The following FAM135B variants were observed in gnomAD, a reference collection of about 807,000 sequenced individuals.
FAM135B encodes the protein family with sequence similarity 135 member B.
FAM135B carries 43 observed loss-of-function variants against 127.7 expected under a neutral mutation model. The observed-to-expected ratio is 0.34, with a 90% CI of 0.26 to 0.43. FAM135B has a LOEUF of 0.43. Among genes scored for constraint, FAM135B ranks in the 20% least tolerant of loss-of-function variants. The probability of loss-of-function intolerance (pLI) is 1.00; values close to 1 mark genes in which losing one functional copy is unlikely to be tolerated. For synonymous variants in FAM135B, 670 were observed against 665.1 expected (o/e 1.01, Z -0.11); for missense variants, 1,558 against 1,725.6 (o/e 0.90, Z 1.72).
chr8:138,195,520 G>C (rs1181855694), intron 8 of FAM135B, among the ~76,000 whole-genome samples: 1 of 151,980 alleles, frequency 6.6e-6, no homozygotes, highest in Non-Finnish European at 1.5e-5. Flanking sequence ...CTGAGCACTA[G>C]ATAAAAGCCA....
intron 11 of FAM135B, among the ~76,000 whole-genome samples, chr8:138,173,852 T>C (rs1263580590): frequency 6.6e-6 from 1 of 152,234 alleles, no homozygotes; most frequent in East Asian, 1.9e-4. Context: ...CAGCAAACTT[T>C]CACCCAATAC....
chr8:138,136,261 C>G (rs1182338910), intron 19 of FAM135B, among the ~76,000 whole-genome samples: 1 of 152,010 alleles, frequency 6.6e-6, no homozygotes, highest in Non-Finnish European at 1.5e-5. Context: ...CTTTGGTACA[C>G]TATTTTTTGA....
chr8:138,454,385 C>T (rs767134249), intron 1 of FAM135B, among the ~76,000 whole-genome samples: 1 of 152,112 alleles, frequency 6.6e-6, no homozygotes, highest in Non-Finnish European at 1.5e-5. Flanking sequence ...TAAGTGATGG[C>T]TTTTGAGGGA....
intron 3 of FAM135B, among the ~76,000 whole-genome samples, chr8:138,280,591 G>C (rs565049505): frequency 1.3e-5 from 2 of 152,288 alleles, no homozygotes; most frequent in South Asian, 4.1e-4. Context: ...GAGTTCCTTA[G>C]AGTTCAGTAG....
chr8:138,153,792 C>T (rs1036358594), intron 12 of FAM135B, among the ~76,000 whole-genome samples: 1 of 152,184 alleles, frequency 6.6e-6, no homozygotes, highest in Non-Finnish European at 1.5e-5. Context: ...GGCCAGGAAG[C>T]TCAAACTGGG....
rs1477463527 is a variant in FAM135B at position 138,151,998 on chromosome 8, T to C, written c.2477A>G (p.Asp826Gly). 6.2e-7 allele frequency: 1 copy of C among 1,614,006 alleles called. No individual in the cohort carries two copies. The highest frequency in any genetic ancestry group is 8.5e-7 in the Non-Finnish European group (1 of 1,179,998). Residue 826 changes from aspartate (D) to glycine (G), a missense_variant, in exon 13 of 20, where the codon GAC becomes GGC. Asp to Gly is a moderately conservative substitution (Grantham distance 94). Transcript: ENST00000395297. The stretch of plus-strand genomic sequence containing the variant: ...TAAAACTATCTCCACCAGGGGATGG[T>C]CTGCTCCAGCATCTGTTCCAGAGTC... Reference protein sequence around the residue: ...CGDSGTDAGADHPLVEIVLDA... With the variant: ...CGDSGTDAGAGHPLVEIVLDA...
chr8:138,198,103 C>T (rs982817750), intron 7 of FAM135B, among the ~76,000 whole-genome samples: 2 of 152,100 alleles, frequency 1.3e-5, no homozygotes, highest in African/African-American at 4.8e-5. Context: ...ATGGGAGGGA[C>T]CCAGTGGGAG....
At chr8:138,270,094 C>T (rs1334016411) in intron 3 of FAM135B, among the ~76,000 whole-genome samples, 2 of 152,140 alleles carry the variant, frequency 1.3e-5, no homozygotes, top group African/African-American at 4.8e-5. Context: ...GTCATCGAGC[C>T]TTCAATGCCA....
chr8:138,192,381 C>G (rs1816209343), intron 9 of FAM135B, among the ~76,000 whole-genome samples: 1 of 152,222 alleles, frequency 6.6e-6, no homozygotes, highest in Non-Finnish European at 1.5e-5. Flanking sequence ...CCCTTCTTGC[C>G]TGGTGAACTA....
intron 2 of FAM135B, among the ~76,000 whole-genome samples, chr8:138,341,131 C>G (rs1512398): frequency 0.99 from 150,551 of 152,342 alleles, 74,427 homozygotes; most frequent in East Asian, 1. Flanking sequence ...CTGCAGCATT[C>G]TTCGCAATAG....
At chr8:138,491,627 A>G (rs1426254879) in intron 1 of FAM135B, among the ~76,000 whole-genome samples, 3 of 152,190 alleles carry the variant, frequency 2.0e-5, no homozygotes, top group Non-Finnish European at 4.4e-5. Flanking sequence ...TCATTCATTC[A>G]TTCAGCAAAC....
rs199535766 is a variant in FAM135B at position 138,226,182 on chromosome 8, T to TGCGCGC, written c.669+16759_669+16760insGCGCGC. ...GTGTGTGTGTGTGTGTGTGTGTGTGTGTGCGCGCATGTCATTTTTTTTTTC... is the reference window on the plus strand; with the variant it reads ...GTGTGTGTGTGTGTGTGTGTGTGTGTGCGCGCGTGCGCGCATGTCATTTTTTTTTTC... On this transcript the variant is annotated intron_variant, in intron 7 of 19. Transcript: ENST00000395297. Among the ~76,000 whole-genome samples, 70 of 118,488 alleles carry TGCGCGC rather than the reference T, an allele frequency of 5.9e-4. No individual in the cohort carries two copies. In the East Asian group the frequency reaches 0.018, roughly 30 times the overall value. The allele number at this position is 118,488 out of a possible 152,430, so 77.7% of individuals were successfully genotyped here.
At chr8:138,251,176 T>C (rs189638381) in intron 5 of FAM135B, among the ~76,000 whole-genome samples, 162 bp from the exon 6 acceptor site, 9 of 152,318 alleles carry the variant, frequency 5.9e-5, no homozygotes, top group Non-Finnish European at 8.8e-5. Flanking sequence ...TTTCCCACCA[T>C]TGGCAGATGA....
At chr8:138,167,048 T>C (rs1260142238) in intron 12 of FAM135B, among the ~76,000 whole-genome samples, 9 of 151,924 alleles carry the variant, frequency 5.9e-5, no homozygotes, top group Admixed American at 5.9e-4. Context: ...GGATGATGTA[T>C]ACACACCAAT....
chr8:138,270,584 C>G (rs1389231430), intron 3 of FAM135B, among the ~76,000 whole-genome samples: 2 of 152,222 alleles, frequency 1.3e-5, no homozygotes, highest in Non-Finnish European at 2.9e-5. Flanking sequence ...ATTTGATTGG[C>G]TCACAGTTCT....
intron 2 of FAM135B, among the ~76,000 whole-genome samples, chr8:138,336,296 C>CA (rs1205613915): frequency 9.9e-5 from 15 of 152,014 alleles, no homozygotes; most frequent in Non-Finnish European, 1.9e-4. Context: ...AAAAGCCCTT[C>CA]AAAAAATCAA....
intron 1 of FAM135B, among the ~76,000 whole-genome samples, chr8:138,375,246 G>T (rs1367610301): frequency 8.2e-6 from 1 of 122,316 alleles, no homozygotes; most frequent in African/African-American, 3.4e-5. Context: ...GAAGAAATAT[G>T]AGCTGATTGT....
chr8:138,270,348 G>A (rs1301379713), intron 3 of FAM135B, among the ~76,000 whole-genome samples: 2 of 152,218 alleles, frequency 1.3e-5, no homozygotes, highest in East Asian at 3.9e-4. Flanking sequence ...CCTGTTCCCA[G>A]AAATGAAGCT....
intron 2 of FAM135B, among the ~76,000 whole-genome samples, chr8:138,340,499 G>A (rs1424330773): frequency 6.6e-6 from 1 of 152,152 alleles, no homozygotes; most frequent in Non-Finnish European, 1.5e-5. Context: ...CATAGACGGA[G>A]AGAGGATGAT....
Sources: allele counts gnomAD v4.1 joint callset (sites outside exome capture counted in the v4.1 genomes callset), GRCh38; gene constraint gnomAD v4.1.1; transcripts MANE v1.5; gene names NCBI Gene and HGNC (gene_info 2026-07-23, HGNC 2026-07-21).